The following NNT variants were observed in gnomAD, a reference collection of about 807,000 sequenced individuals.
The protein encoded by NNT is NAD(P) transhydrogenase, mitochondrial.
Under a neutral mutation model 104.8 loss-of-function variants are expected in NNT, and 50 were observed. The observed-to-expected ratio is 0.48, with a 90% CI of 0.38 to 0.60. The LOEUF (loss-of-function observed/expected upper bound fraction) is 0.60, where lower values mean the gene tolerates loss of function less well. Ranked by LOEUF, NNT falls within the 20% of genes least tolerant of loss-of-function variation. The pLI is 0.00. For missense variants in NNT, 1,131 were observed against 1,330.7 expected, an observed-to-expected ratio of 0.85 and a Z score of 2.33; for synonymous variants, 461 against 490.4, an observed-to-expected ratio of 0.94 and a Z score of 0.79.
intron 2 of NNT, among the ~76,000 whole-genome samples, chr5:43,609,693 A>G (rs190737427): frequency 9.8e-5 from 15 of 152,326 alleles, no homozygotes; most frequent in African/African-American, 2.9e-4. Context: ...CAGCTCATCT[A>G]TGCTCAGGAA....
rs956428592 is a variant in NNT, at chr5:43,668,912, G to A, written c.2635-6599G>A. ...CGATATTGATTCTTCCTATCCATGA[G>A]CATGGAATGTTCTTCCATTTGTTTG... On this transcript the variant is annotated intron_variant, in intron 17 of 21. Transcript: ENST00000344920. Among the ~76,000 whole-genome samples the A allele has an allele frequency of 1.3e-3, 198 of 152,342 alleles. 1 individual carries two copies. Among genetic ancestry groups the A allele is most frequent in the African/African-American group, 4.4e-3 (184 of 41,572 alleles).
chr5:43,692,717 A>G (rs1486970703), intron 19 of NNT, among the ~76,000 whole-genome samples: 1 of 152,234 alleles, frequency 6.6e-6, no homozygotes, highest in Non-Finnish European at 1.5e-5. Context: ...ATGGTCTACC[A>G]CTGTAAGGGA....
chr5:43,644,433 A>T, intron 8 of NNT, 108 bp downstream of exon 8: 1 of 1,411,844 alleles, frequency 7.1e-7, no homozygotes, highest in Non-Finnish European at 9.7e-7. Context: ...AAATTTTAAA[A>T]TTAAAAATAG....
At chr5:43,660,273 G>A (rs1740285891) in intron 17 of NNT, among the ~76,000 whole-genome samples, 1 of 152,142 alleles carries the variant, frequency 6.6e-6, no homozygotes, top group East Asian at 1.9e-4. Context: ...ATCTGTGAGA[G>A]TTTCTACCTT....
chr5:43,627,942 T>G (rs981014828), intron 6 of NNT, among the ~76,000 whole-genome samples: 1 of 152,154 alleles, frequency 6.6e-6, no homozygotes, highest in Admixed American at 6.5e-5. Context: ...GAGTTGGCAA[T>G]TGTGAAATCG....
In NNT at chr5:43,609,286, G is replaced by A. The variant is rs1167697117; in HGVS notation, c.91G>A (p.Asp31Asn). The A allele has an allele frequency of 1.2e-6, 2 of 1,614,048 alleles. No homozygotes were observed. Among genetic ancestry groups the A allele is most frequent in the East Asian group, 4.5e-5 (2 of 44,862 alleles). ...CTGTAAGGGTCTACGTGTGAAGAAG[G>A]ATTTTTTACGAACATTTTATACTCA... Reference protein sequence around the residue: ...GSCKGLRVKKDFLRTFYTHQE... With the variant: ...GSCKGLRVKKNFLRTFYTHQE... The change falls in exon 2 of 22, where the codon GAT (aspartate) becomes AAT (asparagine). Residue 31 changes from aspartate (D) to asparagine (N), a missense_variant. Transcript: ENST00000344920.
intron 19 of NNT, among the ~76,000 whole-genome samples, chr5:43,687,730 A>G (rs1022006692): frequency 2.0e-5 from 3 of 152,238 alleles, no homozygotes; most frequent in African/African-American, 4.8e-5. Flanking sequence ...TAGGCATAAC[A>G]TGATGGTTAT....
intron 17 of NNT, among the ~76,000 whole-genome samples, chr5:43,672,290 A>C (rs185621977): frequency 2.0e-5 from 3 of 152,346 alleles, no homozygotes; most frequent in African/African-American, 7.2e-5. Context: ...AACTTGTCAA[A>C]GTCATTCTCC....
intron 10 of NNT, chr5:43,648,057 A>T: frequency 8.2e-7 from 1 of 1,224,860 alleles, no homozygotes; most frequent in Non-Finnish European, 1.1e-6. Flanking sequence ...AAGAAAACAT[A>T]TTCTTATTCA....
At chr5:43,683,578 A>C (rs771548065) in intron 19 of NNT, among the ~76,000 whole-genome samples, 1 of 152,320 alleles carries the variant, frequency 6.6e-6, no homozygotes, top group South Asian at 2.1e-4. Flanking sequence ...TAGTTACAGG[A>C]AACTCTTTGA....
At chr5:43,614,728 G>C (rs1327169884) in intron 3 of NNT, among the ~76,000 whole-genome samples, 1 of 152,194 alleles carries the variant, frequency 6.6e-6, no homozygotes, top group African/African-American at 2.4e-5. Flanking sequence ...TTGCCTAAAA[G>C]CACTATTGCT....
chr5:43,631,732 A>AT (rs1384791222), intron 7 of NNT, among the ~76,000 whole-genome samples: 2 of 152,148 alleles, frequency 1.3e-5, no homozygotes, highest in African/African-American at 2.4e-5. Context: ...ATAATATTTT[A>AT]TTTTTTATAA....
rs1743096366 is a variant in NNT, at chr5:43,706,460, G to T, written c.*2056G>T. 6.7e-6 allele frequency: 1 copy of T among 149,812 alleles called. No individual in the cohort carries two copies. 9.3% of individuals were successfully genotyped at this position (149,812 alleles called of 1,614,324 possible). Reference sequence around the variant, plus strand: ...AAAAATTTATTGTACCTTATAGTCTGTCACCAAAAAAAAAAAATTATCTGT... The same window carrying T: ...AAAAATTTATTGTACCTTATAGTCTTTCACCAAAAAAAAAAAATTATCTGT... On this transcript the variant is annotated 3_prime_UTR_variant, in exon 22 of 22. Transcript: ENST00000344920.
chr5:43,672,001 C>T (rs1741126115), intron 17 of NNT, among the ~76,000 whole-genome samples: 1 of 152,174 alleles, frequency 6.6e-6, no homozygotes, highest in Non-Finnish European at 1.5e-5. Flanking sequence ...TATTTTTTCT[C>T]TAAACTTCTC....
At chr5:43,618,896 T>G in intron 4 of NNT, 136 bp from the exon 5 acceptor site, 1 of 416,648 alleles carries the variant, frequency 2.4e-6, no homozygotes. Context: ...GAACTGTTTT[T>G]GACACATAGT....
chr5:43,687,736 G>T lies in NNT; in HGVS notation c.2876+9930G>T, dbSNP rs546478207. Reference sequence around the variant, plus strand: ...TTGGGATATTAGGCATAACATGATGGTTATGTTGGTAATTATTTACCCTTT... The same window carrying T: ...TTGGGATATTAGGCATAACATGATGTTTATGTTGGTAATTATTTACCCTTT... On this transcript the variant is annotated intron_variant, in intron 19 of 21. Coordinates refer to ENST00000344920, the MANE Select transcript of NNT (RefSeq NM_182977.3). 1.8e-3 allele frequency among the ~76,000 whole-genome samples: 280 copies of T among 152,258 alleles called. 2 individuals are homozygous for T. Among genetic ancestry groups the T allele is most frequent in the African/African-American group, 6.5e-3 (270 of 41,546 alleles).
At chr5:43,662,698 A>G (rs1052137885) in intron 17 of NNT, among the ~76,000 whole-genome samples, 4 of 152,198 alleles carry the variant, frequency 2.6e-5, no homozygotes, top group Admixed American at 6.5e-5. Flanking sequence ...TTCAAGACCA[A>G]CCTGGGCAAC....
intron 19 of NNT, among the ~76,000 whole-genome samples, chr5:43,689,955 G>T (rs750002213): frequency 6.6e-6 from 1 of 151,660 alleles, no homozygotes; most frequent in Non-Finnish European, 1.5e-5. Context: ...AACCCAATCC[G>T]TCAAAGACAA....
chr5:43,671,111 C>CT (rs915749770), intron 17 of NNT, among the ~76,000 whole-genome samples: 5 of 151,904 alleles, frequency 3.3e-5, no homozygotes, highest in South Asian at 2.1e-4. Context: ...GTAACCCCTG[C>CT]TTTTTTTTGC....
Sources: allele counts gnomAD v4.1 joint callset (sites outside exome capture counted in the v4.1 genomes callset), GRCh38; gene constraint gnomAD v4.1.1; transcripts MANE v1.5; gene names NCBI Gene and HGNC (gene_info 2026-07-23, HGNC 2026-07-21).